Variants in CTSB observed in about 807,000 individuals in gnomAD.
CTSB encodes cathepsin B, also known as APP secretase.
Under a neutral mutation model 44.3 loss-of-function variants are expected in CTSB, and 57 were observed. The observed-to-expected ratio is 1.29, with a 90% CI of 1.04 to 1.60. The LOEUF (loss-of-function observed/expected upper bound fraction) is 1.60, where lower values mean the gene tolerates loss of function less well. CTSB is among the 40% of genes most tolerant of loss of function. The pLI is 0.00. For synonymous variants in CTSB, 320 were observed against 168.0 expected, an observed-to-expected ratio of 1.91 and a Z score of -7.00; for missense variants, 768 against 443.0, an observed-to-expected ratio of 1.73 and a Z score of -6.59.
chr8:11,848,778 A>G (rs1009180211), intron 5 of CTSB: 1 of 375,964 alleles, frequency 2.7e-6, no homozygotes, highest in Middle Eastern at 8.7e-4. Flanking sequence ...AAACCAGACC[A>G]GGGGCCAGAC....
intron 5 of CTSB, 24 bp downstream of exon 5, chr8:11,849,022 C>T (rs778050939): frequency 1.3e-6 from 2 of 1,580,662 alleles, no homozygotes; most frequent in East Asian, 4.5e-5. Flanking sequence ...ACTAAACCCG[C>T]TGTGGAAGCA....
intron 3 of CTSB, among the ~76,000 whole-genome samples, chr8:11,851,532 G>C (rs1814602925): frequency 6.6e-6 from 1 of 151,964 alleles, no homozygotes; most frequent in African/African-American, 2.4e-5. Context: ...TTATGTAATG[G>C]ATTTTTTAAG....
At chr8:11,850,460 A>C (rs1814375485) in intron 4 of CTSB, among the ~76,000 whole-genome samples, 1 of 151,888 alleles carries the variant, frequency 6.6e-6, no homozygotes, top group Admixed American at 6.6e-5. Context: ...AAGAAAACAA[A>C]AGAAGATTGC....
At chr8:11,856,451 T>A (rs2150424439) in intron 1 of CTSB, among the ~76,000 whole-genome samples, 1 of 151,772 alleles carries the variant, frequency 6.6e-6, no homozygotes, top group South Asian at 2.1e-4. Flanking sequence ...CTGTATCTAC[T>A]AAATACAAAA....
At chr8:11,866,676 A>G (rs1414845442) in intron 1 of CTSB, among the ~76,000 whole-genome samples, 1 of 152,224 alleles carries the variant, frequency 6.6e-6, no homozygotes, top group African/African-American at 2.4e-5. Flanking sequence ...CCTGGTCAAC[A>G]TGGTGAAACC....
chr8:11,851,040 G>A (rs1814504082), intron 3 of CTSB, 60 bp from the exon 4 acceptor site: 8 of 1,269,894 alleles, frequency 6.3e-6, no homozygotes, highest in South Asian at 1.3e-5. Context: ...CCCAATCCCT[G>A]CAAAGGCCAC....
intron 8 of CTSB, 92 bp downstream of exon 8, chr8:11,846,960 A>C: frequency 1.5e-5 from 11 of 727,322 alleles, no homozygotes; most frequent in Non-Finnish European, 2.0e-5. Flanking sequence ...CTGCCTGCCC[A>C]ATCCAGCCCT....
At chr8:11,848,692 C>A in intron 5 of CTSB, 2 of 301,642 alleles carry the variant, frequency 6.6e-6, no homozygotes, top group Admixed American at 4.4e-5. Context: ...TAAGGTGGAG[C>A]CATCCCCGCT....
Position 11,847,714 on chromosome 8 carries a change from C to T in CTSB, c.641G>A (p.Gly214Asp), listed in dbSNP as rs1231023216. Residue 214 changes from glycine to aspartate, a missense_variant, in exon 7 of 10, where the codon GGC becomes GAC. Gly to Asp is a moderately conservative substitution (Grantham distance 94). Transcript: ENST00000353047. The stretch of plus-strand genomic sequence containing the variant: ...GTCCTGTTTGTAGGTCGGGCTGTAG[C>T]CAGGCTCACAGATCTTGCTACACTT... ...TPKCSKICEP[G>D]YSPTYKQDKH... is the part of the protein sequence containing the mutation. 1.3e-6 allele frequency: 2 copies of T among 1,591,550 alleles called. No individual in the cohort carries two copies. Among genetic ancestry groups the T allele is most frequent in the Non-Finnish European group, 1.7e-6 (2 of 1,171,066 alleles).
intron 1 of CTSB, chr8:11,861,536 A>T (rs967151742): frequency 9.2e-5 from 14 of 152,414 alleles, no homozygotes; most frequent in Admixed American, 5.9e-4. Context: ...CTGCAGACAA[A>T]ATGACTACTG....
chr8:11,847,426 C>T (rs925703585), intron 7 of CTSB, among the ~76,000 whole-genome samples: 2 of 152,162 alleles, frequency 1.3e-5, no homozygotes, highest in Non-Finnish European at 2.9e-5. Flanking sequence ...CTCCAGGACA[C>T]GCCACTCCCT....
chr8:11,858,758 A>G (rs535022178), intron 1 of CTSB, among the ~76,000 whole-genome samples: 1 of 152,320 alleles, frequency 6.6e-6, no homozygotes, highest in African/African-American at 2.4e-5. Context: ...TCTCTCCACA[A>G]CAACGCAAAT....
intron 4 of CTSB, among the ~76,000 whole-genome samples, chr8:11,850,419 C>CAAAAAAAAAAAAAAAAAA (rs61067792): frequency 3.7e-5 from 2 of 53,748 alleles, no homozygotes; most frequent in African/African-American, 7.8e-5. Context: ...ACTCCATCTC[C>CAAAAAAAAAAAAAAAAAA]AAAAAAAAAA....
intron 1 of CTSB, among the ~76,000 whole-genome samples, chr8:11,866,794 A>G (rs1164940285): frequency 1.3e-5 from 2 of 152,146 alleles, no homozygotes; most frequent in African/African-American, 4.8e-5. Flanking sequence ...TGGGAGGCGG[A>G]AGTTGTAGTG....
chr8:11,845,793 A>C lies in CTSB; in HGVS notation c.794-4T>G, dbSNP rs776048598. ...CCGGTGACGTGTTGGTACACTCCTG[A>C]AAAGGGAAGAACTGGCTGAGACCGA... On this transcript the variant is annotated splice_region_variant and splice_polypyrimidine_tract_variant and intron_variant, in intron 8 of 9. Coordinates refer to ENST00000353047, the MANE Select transcript of CTSB (RefSeq NM_001908.5). The C allele has an allele frequency of 1.2e-6, 2 of 1,610,778 alleles. No homozygotes were observed. The highest frequency in any genetic ancestry group is 8.5e-7 in the Non-Finnish European group (1 of 1,177,842).
At chr8:11,850,612 A>T (rs527748638) in intron 4 of CTSB, 19 of 337,108 alleles carry the variant, frequency 5.6e-5, no homozygotes, top group African/African-American at 3.3e-4. Context: ...CCAGCATGTC[A>T]GGGAAAGGGA....
At chr8:11,864,681 G>A (rs998287955) in intron 1 of CTSB, among the ~76,000 whole-genome samples, 33 of 152,102 alleles carry the variant, frequency 2.2e-4, no homozygotes, top group Admixed American at 1.8e-3. Flanking sequence ...ACATGGCTGG[G>A]CACAGTGACT....
At chr8:11,867,174 C>G (rs1282772673) in intron 1 of CTSB, 4 of 152,414 alleles carry the variant, frequency 2.6e-5, no homozygotes, top group Middle Eastern at 3.4e-3. Flanking sequence ...GTCGCCCACC[C>G]CAGCCTGCCT....
chr8:11,866,058 A>C (rs1273097102), intron 1 of CTSB, among the ~76,000 whole-genome samples: 1 of 151,828 alleles, frequency 6.6e-6, no homozygotes, highest in Non-Finnish European at 1.5e-5. Context: ...TAAGAAAGAA[A>C]AGAAAATCAC....
Sources: allele counts gnomAD v4.1 joint callset (sites outside exome capture counted in the v4.1 genomes callset), GRCh38; gene constraint gnomAD v4.1.1; transcripts MANE v1.5; gene names NCBI Gene and HGNC (gene_info 2026-07-23, HGNC 2026-07-21).